PKD1L3: variants seen among roughly 807,000 people sequenced by gnomAD.
PKD1L3 encodes polycystin 1 like 3, transient receptor potential channel interacting, also known as polycystin-1-like protein 3.
In PKD1L3, 239 loss-of-function variants were observed where a neutral mutation model predicts 184.1. That is an observed-to-expected ratio of 1.30 (90% CI 1.17 to 1.45). The LOEUF (loss-of-function observed/expected upper bound fraction) is 1.45. Ranked by LOEUF, PKD1L3 falls within the 40% of genes most tolerant of loss-of-function variation. The probability of loss-of-function intolerance (pLI) is 0.00; values close to 1 mark genes in which losing one functional copy is unlikely to be tolerated. For synonymous variants in PKD1L3, 996 were observed against 778.8 expected, an observed-to-expected ratio of 1.28 and a Z score of -4.64; for missense variants, 2,660 against 2,067.2, an observed-to-expected ratio of 1.29 and a Z score of -5.56.
Position 71,986,472 on chromosome 16 carries a change from A to G in PKD1L3, c.586-3T>C. ...ATGGGATGACACAGGGTCTTGGACT[A>G]AAAGATAAAAATATGTAAAGGAAAA... On this transcript the variant is annotated splice_region_variant and splice_polypyrimidine_tract_variant and intron_variant, in intron 4 of 29. Transcript: ENST00000620267. 1.3e-6 allele frequency: 2 copies of G among 1,545,252 alleles called. No individual in the cohort carries two copies. The highest frequency in any genetic ancestry group is 1.7e-6 in the Non-Finnish European group (2 of 1,143,374).
intron 13 of PKD1L3, among the ~76,000 whole-genome samples, chr16:71,969,545 C>G (rs2039631801): frequency 6.7e-6 from 1 of 148,568 alleles, no homozygotes. Flanking sequence ...CTCTTGAGCT[C>G]AAGTGATCCT....
intron 23 of PKD1L3, among the ~76,000 whole-genome samples, chr16:71,943,537 C>CAA (rs10693124): frequency 0.16 from 13,607 of 84,166 alleles, 1,619 homozygotes; most frequent in South Asian, 0.35. Flanking sequence ...GACTCCGTCT[C>CAA]AAAAAAAAAA....
At chr16:71,971,163 C>A (rs2039695482) in intron 12 of PKD1L3, among the ~76,000 whole-genome samples, 1 of 152,132 alleles carries the variant, frequency 6.6e-6, no homozygotes, top group African/African-American at 2.4e-5. Context: ...AGGAGAGAGA[C>A]TAGAGAGGGA....
chr16:71,975,033 T>C (rs1418794832), intron 11 of PKD1L3, among the ~76,000 whole-genome samples: 1 of 152,100 alleles, frequency 6.6e-6, no homozygotes, highest in Non-Finnish European at 1.5e-5. Context: ...ATCAAGTATA[T>C]CTGGGCACTA....
chr16:71,953,536 A>G (rs747638163), intron 17 of PKD1L3, among the ~76,000 whole-genome samples: 1 of 152,208 alleles, frequency 6.6e-6, no homozygotes. Context: ...AACACTTTAC[A>G]TGCCTTACAA....
intron 11 of PKD1L3, among the ~76,000 whole-genome samples, chr16:71,974,109 A>T (rs1342508200): frequency 6.6e-6 from 1 of 152,238 alleles, no homozygotes; most frequent in East Asian, 1.9e-4. Flanking sequence ...ATGAGCACAT[A>T]TCTAAGTTAG....
intron 24 of PKD1L3, 149 bp downstream of exon 24, chr16:71,942,411 C>T (rs1013553464): frequency 3.1e-6 from 2 of 636,082 alleles, no homozygotes; most frequent in African/African-American, 3.7e-5. Context: ...AGAATAAAAA[C>T]ACTTTTGGAG....
At chr16:71,937,575 C>A (rs946388221) in intron 24 of PKD1L3, among the ~76,000 whole-genome samples, 156 bp from the exon 25 acceptor site, 2 of 152,136 alleles carry the variant, frequency 1.3e-5, no homozygotes, top group Non-Finnish European at 2.9e-5. Flanking sequence ...CTGTCATGAA[C>A]ATTAAAGGAG....
chr16:71,980,744 A>G (rs2040117516), intron 7 of PKD1L3, among the ~76,000 whole-genome samples: 1 of 152,158 alleles, frequency 6.6e-6, no homozygotes, highest in Non-Finnish European at 1.5e-5. Context: ...CTGAGGTGGA[A>G]GAATTGCTTA....
At chr16:71,950,581 G>A in intron 19 of PKD1L3, among the ~76,000 whole-genome samples, 1 of 152,044 alleles carries the variant, frequency 6.6e-6, no homozygotes, top group Non-Finnish European at 1.5e-5. Flanking sequence ...ACCTATACTA[G>A]TAAGTGCCCA....
At chr16:71,958,954 G>A (rs751436777) in intron 16 of PKD1L3, among the ~76,000 whole-genome samples, 23 of 151,458 alleles carry the variant, frequency 1.5e-4, no homozygotes, top group Admixed American at 6.6e-4. Context: ...AGGCATGGCA[G>A]CGTGTGCCTG....
rs1298424890 is a variant in PKD1L3, at chr16:71,986,239, C to T, written c.816G>A (p.Leu272=). 5 of 1,552,222 alleles carry T rather than the reference C, an allele frequency of 3.2e-6. No homozygotes were observed. In the South Asian group the frequency reaches 4.8e-5, roughly 15 times the overall value. The change falls in exon 5 of 30, where the codon TTG becomes TTA. Residue 272 remains leucine (L), a synonymous_variant. Coordinates refer to ENST00000620267, the MANE Select transcript of PKD1L3 (RefSeq NM_181536.2). ...TGTTTACCTGACCAGATGCCTTCTG[C>T]AATGACACTTGTAGATAAGAGGTGA... ...NTFTSYLQVS[L]QKASGQVIDE...
intron 4 of PKD1L3, among the ~76,000 whole-genome samples, chr16:71,989,926 T>G (rs1016492156): frequency 6.6e-6 from 1 of 151,714 alleles, no homozygotes; most frequent in African/African-American, 2.4e-5. Flanking sequence ...AATACAAAAA[T>G]TAGCTGGGTG....
At chr16:71,996,535 C>T (rs1273249969) in intron 2 of PKD1L3, among the ~76,000 whole-genome samples, 1 of 152,168 alleles carries the variant, frequency 6.6e-6, no homozygotes, top group Non-Finnish European at 1.5e-5. Flanking sequence ...GCTGGGATTA[C>T]AGGCATGAGC....
chr16:71,969,953 T>C lies in PKD1L3; in HGVS notation c.2106A>G (p.Ser702=), dbSNP rs747582772. The change falls in exon 13 of 30, where the codon TCA becomes TCG. Residue 702 remains serine, a synonymous_variant. Transcript: ENST00000620267. Reference sequence around the variant, plus strand: ...AAAATCCTAAAAGGCTGGCCAGCAGTGACACCCCAACAGGATTGTTGGTCA... The same window carrying C: ...AAAATCCTAAAAGGCTGGCCAGCAGCGACACCCCAACAGGATTGTTGGTCA... ...LRVTNNPVGV[S]LLASLLGFYV... is the part of the protein sequence containing the mutation. The C allele has an allele frequency of 4.5e-6, 7 of 1,551,912 alleles. No homozygotes were observed. In the South Asian group the frequency reaches 7.1e-5, roughly 16 times the overall value.
rs141754070 is a variant in PKD1L3 at position 71,998,299 on chromosome 16, G to C, written c.391C>G (p.Leu131Val). ...RISSKGDKCL[L>V]KYYFICQTGD... ...GTCTGGCAAATGAAATAGTATTTCA[G>C]TAAGCACTTGTCCCCTTTGGATGAG... The change falls in exon 2 of 30, where the codon CTG (leucine) becomes GTG (valine). Residue 131 changes from leucine (L) to valine (V), a missense_variant. Coordinates refer to ENST00000620267, the MANE Select transcript of PKD1L3 (RefSeq NM_181536.2). The C allele has an allele frequency of 6.6e-5, 103 of 1,552,202 alleles. No homozygotes were observed. The African/African-American group carries it at 1.3e-3, about 19-fold the overall frequency.
chr16:71,984,124 C>G lies in PKD1L3; in HGVS notation c.878G>C (p.Gly293Ala). The G allele has an allele frequency of 6.4e-7, 1 of 1,551,964 alleles. No homozygotes were observed. The highest frequency in any genetic ancestry group is 8.7e-7 in the Non-Finnish European group (1 of 1,147,004). ...CTGTAGTTTGTTAAGAGCTTGCAAA[C>G]CATGAACTGCTCTGCTGAAGTTCCC... ...IAGNFSRAVH[G>A]LQALNKLQEA... The change falls in exon 6 of 30, where the codon GGT (glycine) becomes GCT (alanine). Residue 293 changes from glycine (G) to alanine (A), a missense_variant. Coordinates refer to ENST00000620267, the MANE Select transcript of PKD1L3 (RefSeq NM_181536.2).
At chr16:71,969,763 A>G (rs1473793225) in intron 13 of PKD1L3, 112 bp downstream of exon 13, 5 of 908,692 alleles carry the variant, frequency 5.5e-6, no homozygotes, top group African/African-American at 5.0e-5. Flanking sequence ...TTGAATTTCT[A>G]TGCCTCCCAG....
At chr16:71,966,465 T>C (rs2039505291) in intron 15 of PKD1L3, among the ~76,000 whole-genome samples, 3 of 151,534 alleles carry the variant, frequency 2.0e-5, no homozygotes, top group Admixed American at 2.0e-4. Context: ...GGTCTTGCTG[T>C]TGCCCAGGCT....
Sources: gnomAD v4.1 joint callset for allele counts (sites outside exome capture counted in the v4.1 genomes callset) on GRCh38, gnomAD v4.1.1 for gene constraint, MANE v1.5 for transcripts, NCBI Gene and HGNC (gene_info 2026-07-23, HGNC 2026-07-21) for gene names.